The following ROR1 variants were observed in gnomAD, a reference collection of about 807,000 sequenced individuals.
The protein encoded by ROR1 is inactive tyrosine-protein kinase transmembrane receptor ROR1.
ROR1 carries 19 observed loss-of-function variants against 78.8 expected under a neutral mutation model. The observed-to-expected ratio is 0.24, with a 90% CI of 0.17 to 0.35. ROR1 has a LOEUF of 0.35. Ranked by LOEUF, ROR1 falls within the 10% of genes least tolerant of loss-of-function variation. The pLI, the probability that ROR1 is intolerant of heterozygous loss-of-function variation, is 1.00. For synonymous variants in ROR1, 386 were observed against 433.6 expected, an observed-to-expected ratio of 0.89 and a Z score of 1.36; for missense variants, 917 against 1,177.8, an observed-to-expected ratio of 0.78 and a Z score of 3.24.
chr1:63,984,828 A>G (rs1047151803), intron 1 of ROR1, among the ~76,000 whole-genome samples: 7 of 152,214 alleles, frequency 4.6e-5, no homozygotes, highest in African/African-American at 1.7e-4. Context: ...ATAGTAACAC[A>G]TTATTTATCT....
intron 1 of ROR1, among the ~76,000 whole-genome samples, chr1:63,886,404 C>T (rs1036215831): frequency 6.6e-5 from 10 of 152,172 alleles, no homozygotes; most frequent in Non-Finnish European, 1.2e-4. Flanking sequence ...CCCTTCTTAG[C>T]ACAAACATTC....
intron 1 of ROR1, among the ~76,000 whole-genome samples, chr1:63,833,484 G>T (rs1161566752): frequency 2.0e-5 from 3 of 152,124 alleles, no homozygotes; most frequent in African/African-American, 7.2e-5. Context: ...TTGTTTTGTG[G>T]GTCTTCAGGG....
chr1:64,116,716 G>C (rs538795287), intron 4 of ROR1, among the ~76,000 whole-genome samples: 3 of 152,116 alleles, frequency 2.0e-5, no homozygotes, highest in Non-Finnish European at 4.4e-5. Context: ...GCACCAATCC[G>C]TGTAGTGAGA....
chr1:63,848,398 A>G (rs745866703), intron 1 of ROR1, among the ~76,000 whole-genome samples: 8 of 152,236 alleles, frequency 5.3e-5, no homozygotes, highest in Non-Finnish European at 8.8e-5. Flanking sequence ...GAGTGGAGGT[A>G]ACTCAGTTTG....
At chr1:63,985,601 G>A (rs1022644099) in intron 1 of ROR1, among the ~76,000 whole-genome samples, 2 of 151,962 alleles carry the variant, frequency 1.3e-5, no homozygotes, top group Non-Finnish European at 2.9e-5. Flanking sequence ...TAGGGGCCAG[G>A]CATGGTGGTT....
intron 2 of ROR1, among the ~76,000 whole-genome samples, chr1:64,023,410 C>T (rs1439893784): frequency 1.3e-5 from 2 of 152,248 alleles, no homozygotes; most frequent in East Asian, 3.9e-4. Flanking sequence ...CCAGTTGAGG[C>T]AGGAGACTAA....
Position 64,094,131 on chromosome 1 carries a change from A to G in ROR1, c.483-43238A>G, listed in dbSNP as rs542231019. Among the ~76,000 whole-genome samples the G allele has an allele frequency of 1.6e-4, 24 of 152,344 alleles. No homozygotes were observed. In the South Asian group the frequency reaches 5.0e-3, roughly 32 times the overall value. On this transcript the variant is annotated intron_variant, in intron 4 of 8. Transcript: ENST00000371079. ...AAGTTTGACTCAAAAAGTCTGACTC[A>G]TAATTCATGAAATACTAAGTAACTC...
At chr1:63,962,120 C>T (rs1646034529) in intron 1 of ROR1, among the ~76,000 whole-genome samples, 1 of 152,108 alleles carries the variant, frequency 6.6e-6, no homozygotes, top group African/African-American at 2.4e-5. Context: ...GTTATCTGGG[C>T]ATGTTAGGGT....
intron 4 of ROR1, among the ~76,000 whole-genome samples, chr1:64,094,000 C>T (rs750260658): frequency 7.2e-5 from 11 of 152,158 alleles, no homozygotes; most frequent in Non-Finnish European, 1.3e-4. Context: ...GCAGAACTTA[C>T]ATTGAAAGCT....
intron 1 of ROR1, among the ~76,000 whole-genome samples, chr1:63,796,834 C>T (rs903325903): frequency 6.6e-6 from 1 of 152,188 alleles, no homozygotes; most frequent in Non-Finnish European, 1.5e-5. Flanking sequence ...GAGCCCTGAG[C>T]TGGCAGGTGG....
At chr1:63,804,547 A>G (rs150000375) in intron 1 of ROR1, among the ~76,000 whole-genome samples, 7 of 152,366 alleles carry the variant, frequency 4.6e-5, no homozygotes, top group Admixed American at 2.6e-4. Flanking sequence ...GAAGAACCCC[A>G]GTGAAGATGT....
At chr1:63,988,181 A>G (rs1646266676) in intron 1 of ROR1, among the ~76,000 whole-genome samples, 1 of 152,204 alleles carries the variant, frequency 6.6e-6, no homozygotes, top group Non-Finnish European at 1.5e-5. Context: ...AGAGAATCTG[A>G]TTGTAAATCA....
intron 1 of ROR1, among the ~76,000 whole-genome samples, chr1:64,007,305 T>A (rs1457584801): frequency 6.6e-6 from 1 of 152,040 alleles, no homozygotes; most frequent in Non-Finnish European, 1.5e-5. Context: ...TGACAACTTG[T>A]ATGCCTTATA....
At chr1:63,995,935 A>G (rs1285010536) in intron 1 of ROR1, among the ~76,000 whole-genome samples, 1 of 152,116 alleles carries the variant, frequency 6.6e-6, no homozygotes, top group East Asian at 1.9e-4. Context: ...TCTTCATTGG[A>G]GGAGATACAA....
intron 1 of ROR1, among the ~76,000 whole-genome samples, chr1:63,893,354 C>G (rs1645414532): frequency 6.6e-6 from 1 of 152,042 alleles, no homozygotes; most frequent in Non-Finnish European, 1.5e-5. Context: ...AGAGGAGCAG[C>G]AGCCATGAGA....
At chr1:63,848,091 A>G (rs1054353949) in intron 1 of ROR1, among the ~76,000 whole-genome samples, 3 of 152,204 alleles carry the variant, frequency 2.0e-5, no homozygotes, top group Non-Finnish European at 4.4e-5. Context: ...TTACGGATTG[A>G]TTTATTTCTG....
chr1:64,131,397 TA>T (rs1648907180), intron 4 of ROR1, among the ~76,000 whole-genome samples: 2 of 152,142 alleles, frequency 1.3e-5, no homozygotes, highest in African/African-American at 2.4e-5. Flanking sequence ...AACCTGCTGA[TA>T]CTGAGTAAAC....
chr1:64,178,805 G>C lies in ROR1; in HGVS notation c.2764G>C (p.Asp922His), dbSNP rs772431647. The C allele has an allele frequency of 2.6e-4, 413 of 1,613,984 alleles. No homozygotes were observed. The highest frequency in any genetic ancestry group is 3.4e-4 in the Non-Finnish European group (400 of 1,180,034). Reference protein sequence around the residue: ...IDSKQASLLGDANIHGHTESM... With the variant: ...IDSKQASLLGHANIHGHTESM... ...CTCAAAGCAAGCATCTTTACTAGGA[G>C]ACGCCAATATTCATGGACACACCGA... Residue 922 changes from aspartate (D) to histidine (H), a missense_variant, in exon 9 of 9, where the codon GAC becomes CAC. This residue lies in a region of ROR1 where 835 missense variants were observed against 1,069.8 expected (regional missense o/e 0.78). Transcript: ENST00000371079. This position sits in a 1 kb window ranked among gnomAD's most constrained non-coding sequence, Gnocchi z 4.3.
chr1:63,965,301 T>A (rs1451223992), intron 1 of ROR1, among the ~76,000 whole-genome samples: 1 of 152,146 alleles, frequency 6.6e-6, no homozygotes, highest in African/African-American at 2.4e-5. Flanking sequence ...TTACAATCCA[T>A]CCTCATTGAG....
Sources: allele counts gnomAD v4.1 joint callset (sites outside exome capture counted in the v4.1 genomes callset), GRCh38; gene constraint gnomAD v4.1.1; regional missense constraint gnomAD v4.1.1; non-coding constraint Gnocchi (gnomAD v3.1); transcripts MANE v1.5; gene names NCBI Gene and HGNC (gene_info 2026-07-23, HGNC 2026-07-21).